Variants in EGFLAM observed in about 807,000 individuals in gnomAD.
The protein encoded by EGFLAM is pikachurin.
EGFLAM carries 79 observed loss-of-function variants against 113.1 expected under a neutral mutation model. That is an observed-to-expected ratio of 0.70 (90% CI 0.58 to 0.84). The LOEUF is 0.84. EGFLAM is among the 40% of genes least tolerant of loss of function. The probability of loss-of-function intolerance (pLI) is 0.00; values close to 1 mark genes in which losing one functional copy is unlikely to be tolerated. For synonymous variants in EGFLAM, 504 were observed against 487.6 expected (o/e 1.03, Z -0.44); for missense variants, 1,265 against 1,291.6 (o/e 0.98, Z 0.32).
intron 5 of EGFLAM, 136 bp downstream of exon 5, chr5:38,352,467 T>C: frequency 3.5e-6 from 4 of 1,135,516 alleles, no homozygotes; most frequent in Admixed American, 4.5e-5. Context: ...ACCAACATGG[T>C]GAAACCCCGT....
In EGFLAM at chr5:38,409,046, G is replaced by T. The variant is rs140240157; in HGVS notation, c.1291G>T (p.Glu431Ter). 8 of 1,595,258 alleles carry T rather than the reference G, an allele frequency of 5.0e-6. No homozygotes were observed. Among genetic ancestry groups the T allele is most frequent in the Non-Finnish European group, 6.8e-6 (8 of 1,169,820 alleles). ...CTTACTGCTCTACTGTGGGGAGAAC[G>T]AACACGGGAGGGGGGATTTCATGTC... ...DGLLLYCGEN[E>*]HGRGDFMSLA... Residue 431 changes from glutamate (E) to a stop codon, truncating the protein, a stop_gained, in exon 10 of 22, where the codon GAA becomes TAA. Coordinates refer to ENST00000322350, the MANE Select transcript of EGFLAM (RefSeq NM_152403.4). LOFTEE classifies it high-confidence loss of function.
At chr5:38,352,158 C>T (rs749378602) in intron 4 of EGFLAM, 38 bp from the exon 5 acceptor site, 1 of 1,612,948 alleles carries the variant, frequency 6.2e-7, no homozygotes, top group East Asian at 2.2e-5. Flanking sequence ...CGGCTGAGAC[C>T]ACCAGCCTAG....
intron 5 of EGFLAM, among the ~76,000 whole-genome samples, chr5:38,362,427 A>G (rs1739947371): frequency 6.6e-6 from 1 of 152,226 alleles, no homozygotes; most frequent in African/African-American, 2.4e-5. Flanking sequence ...TTGGCTTGCT[A>G]GCCCCCAAAA....
intron 5 of EGFLAM, among the ~76,000 whole-genome samples, chr5:38,362,310 G>A (rs773091170): frequency 9.2e-5 from 14 of 152,114 alleles, no homozygotes; most frequent in Admixed American, 3.3e-4. Context: ...CTTAGAGCTC[G>A]TCATCATAAC....
chr5:38,444,938 CTG>C (rs1443691194), intron 17 of EGFLAM, among the ~76,000 whole-genome samples: 1 of 152,182 alleles, frequency 6.6e-6, no homozygotes, highest in Non-Finnish European at 1.5e-5. Context: ...GAGCAAGACT[CTG>C]TCTCAAAAAA....
intron 1 of EGFLAM, among the ~76,000 whole-genome samples, chr5:38,284,806 T>A (rs1020068331): frequency 6.6e-6 from 1 of 152,192 alleles, no homozygotes; most frequent in Non-Finnish European, 1.5e-5. Context: ...ACTCTAATTG[T>A]AAATAATCTT....
At chr5:38,328,364 A>G (rs748947454) in intron 1 of EGFLAM, among the ~76,000 whole-genome samples, 1 of 152,198 alleles carries the variant, frequency 6.6e-6, no homozygotes. Context: ...GGGGATTGCA[A>G]TTCGACATGC....
At chr5:38,324,150 T>C (rs1335641370) in intron 1 of EGFLAM, among the ~76,000 whole-genome samples, 1 of 152,142 alleles carries the variant, frequency 6.6e-6, no homozygotes, top group Non-Finnish European at 1.5e-5. Context: ...CCCTCTTATG[T>C]TTCTCTCTGG....
At chr5:38,419,741 C>A (rs1410341859) in intron 12 of EGFLAM, among the ~76,000 whole-genome samples, 1 of 152,130 alleles carries the variant, frequency 6.6e-6, no homozygotes, top group Non-Finnish European at 1.5e-5. Flanking sequence ...AGATAAGAAC[C>A]AATGGGGCTG....
At chr5:38,422,297 G>A (rs1165538981) in intron 12 of EGFLAM, among the ~76,000 whole-genome samples, 1 of 152,080 alleles carries the variant, frequency 6.6e-6, no homozygotes, top group Non-Finnish European at 1.5e-5. Context: ...ACATGACCTT[G>A]CCACACCCAC....
At chr5:38,384,426 TG>T (rs1323414324) in intron 6 of EGFLAM, among the ~76,000 whole-genome samples, 4 of 152,206 alleles carry the variant, frequency 2.6e-5, no homozygotes, top group Admixed American at 1.3e-4. Context: ...ACCCATATTC[TG>T]TTGGTTCCTC....
intron 6 of EGFLAM, among the ~76,000 whole-genome samples, chr5:38,380,953 C>A (rs1158179642): frequency 6.6e-6 from 1 of 152,176 alleles, no homozygotes; most frequent in Non-Finnish European, 1.5e-5. Context: ...AAGGAACTCA[C>A]GATGCTCTGA....
intron 6 of EGFLAM, among the ~76,000 whole-genome samples, chr5:38,396,333 G>A (rs1177247342): frequency 6.6e-6 from 1 of 152,138 alleles, no homozygotes; most frequent in Non-Finnish European, 1.5e-5. Context: ...GATGCTATGG[G>A]TAATAGTTTT....
chr5:38,394,236 A>G (rs1400762478), intron 6 of EGFLAM, among the ~76,000 whole-genome samples: 1 of 151,878 alleles, frequency 6.6e-6, no homozygotes, highest in East Asian at 2.0e-4. Flanking sequence ...TTTGGTTGGA[A>G]AAACGGGGTC....
chr5:38,420,861 G>A (rs1357750439), intron 12 of EGFLAM, among the ~76,000 whole-genome samples: 1 of 152,150 alleles, frequency 6.6e-6, no homozygotes, highest in African/African-American at 2.4e-5. Flanking sequence ...CTCTCTTGTG[G>A]GCTTCAGCTC....
At chr5:38,373,028 A>G (rs1050330475) in intron 6 of EGFLAM, among the ~76,000 whole-genome samples, 1 of 148,530 alleles carries the variant, frequency 6.7e-6, no homozygotes. Context: ...TAACAAATTA[A>G]CAAATTACTT....
At chr5:38,373,652 T>C (rs189482808) in intron 6 of EGFLAM, among the ~76,000 whole-genome samples, 1 of 152,044 alleles carries the variant, frequency 6.6e-6, no homozygotes, top group East Asian at 1.9e-4. Flanking sequence ...TTTTCTTTAT[T>C]CAGTCAACTT....
chr5:38,270,724 A>G (rs1472086965), intron 1 of EGFLAM, among the ~76,000 whole-genome samples: 1 of 152,250 alleles, frequency 6.6e-6, no homozygotes, highest in African/African-American at 2.4e-5. Flanking sequence ...AAGGTTCATA[A>G]TACCTACTAC....
At chr5:38,388,858 T>C (rs922151898) in intron 6 of EGFLAM, among the ~76,000 whole-genome samples, 1 of 147,412 alleles carries the variant, frequency 6.8e-6, no homozygotes, top group African/African-American at 2.5e-5. Flanking sequence ...GAGGCTGCCG[T>C]GAGCCCTGGT....
Sources: gnomAD v4.1 joint callset for allele counts (sites outside exome capture counted in the v4.1 genomes callset) on GRCh38, gnomAD v4.1.1 for gene constraint, MANE v1.5 for transcripts, NCBI Gene and HGNC (gene_info 2026-07-23, HGNC 2026-07-21) for gene names.